Variants in STAG3 observed in about 807,000 individuals in gnomAD.
STAG3 encodes cohesin subunit SA-3.
Under a neutral mutation model 160.7 loss-of-function variants are expected in STAG3, and 101 were observed. The ratio of observed to expected loss-of-function variants is 0.63; its 90% CI spans 0.54 to 0.74. STAG3 has a LOEUF of 0.74. STAG3 is among the 30% of genes least tolerant of loss of function. The pLI, the probability that STAG3 is intolerant of heterozygous loss-of-function variation, is 0.00. For missense variants in STAG3, 1,188 were observed against 1,517.4 expected, an observed-to-expected ratio of 0.78 and a Z score of 3.61; for synonymous variants, 519 against 585.0, an observed-to-expected ratio of 0.89 and a Z score of 1.63.
chr7:100,198,178 G>A lies in STAG3; in HGVS notation c.1244+12G>A, dbSNP rs1183336446. ...ATACTTATCCTTAAGTGAGTCCTGG[G>A]AAGAGGGGAGGCCAGTGTCTCAGAC... On this transcript the variant is annotated intron_variant, in intron 12 of 33. Coordinates refer to ENST00000615138, the MANE Select transcript of STAG3 (RefSeq NM_001282717.2). The A allele has an allele frequency of 6.2e-7, 1 of 1,612,886 alleles. No individual in the cohort carries two copies. Among genetic ancestry groups the A allele is most frequent in the Admixed American group, 1.7e-5 (1 of 60,014 alleles).
At chr7:100,217,693 A>C (rs1802883950), downstream of STAG3, among the ~76,000 whole-genome samples, 1 of 152,160 alleles carries the variant, frequency 6.6e-6, no homozygotes, top group Non-Finnish European at 1.5e-5. Context: ...ATAAGGTCAC[A>C]TGAGTCACGT....
intron 10 of STAG3, 58 bp from the exon 11 acceptor site, chr7:100,197,720 G>A: frequency 1.4e-6 from 2 of 1,391,312 alleles, no homozygotes; most frequent in South Asian, 2.3e-5. Flanking sequence ...GGCTTAGTAG[G>A]GGCGAGTAGA....
intron 21 of STAG3, 34 bp from the exon 22 acceptor site, chr7:100,201,752 C>G: frequency 6.2e-7 from 1 of 1,604,018 alleles, no homozygotes; most frequent in East Asian, 2.2e-5. Flanking sequence ...TCTCCTAACC[C>G]AAACCTCATT....
chr7:100,210,424 A>G (rs1338653638), intron 29 of STAG3, among the ~76,000 whole-genome samples: 1 of 152,196 alleles, frequency 6.6e-6, no homozygotes, highest in Admixed American at 6.5e-5. Context: ...ACCTTCTCCA[A>G]TCTCTGCAGG....
chr7:100,217,068 C>G (rs577394061), downstream of STAG3, among the ~76,000 whole-genome samples: 67 of 152,330 alleles, frequency 4.4e-4, no homozygotes, highest in African/African-American at 1.6e-3. Flanking sequence ...CCTCTCTTCC[C>G]TCACAATACT....
chr7:100,216,660 G>A (rs754448676), downstream of STAG3, among the ~76,000 whole-genome samples: 20 of 151,984 alleles, frequency 1.3e-4, no homozygotes, highest in Non-Finnish European at 2.9e-4. Flanking sequence ...AATTAGCTGG[G>A]TGTGGTGGCA....
chr7:100,186,042 A>G (rs1482542344), intron 4 of STAG3, among the ~76,000 whole-genome samples, 158 bp from the exon 5 acceptor site: 1 of 152,246 alleles, frequency 6.6e-6, no homozygotes, highest in Non-Finnish European at 1.5e-5. Context: ...TTTTTGGCCT[A>G]TATGAAATTT....
At chr7:100,200,704 T>C (rs1260760817) in intron 18 of STAG3, 65 bp from the exon 19 acceptor site, 2 of 1,584,748 alleles carry the variant, frequency 1.3e-6, no homozygotes, top group Admixed American at 1.7e-5. Flanking sequence ...CCCGTTCCAC[T>C]TCCCGCCAGA....
intron 14 of STAG3, 136 bp from the exon 15 acceptor site, chr7:100,199,126 T>G (rs955392948): frequency 4.4e-5 from 37 of 847,774 alleles, no homozygotes; most frequent in African/African-American, 3.5e-4. Flanking sequence ...CCTGTCTCTA[T>G]CGAAAAAAAA....
intron 8 of STAG3, 136 bp from the exon 9 acceptor site, chr7:100,195,173 G>A: frequency 1.3e-6 from 1 of 760,016 alleles, no homozygotes; most frequent in South Asian, 1.5e-5. Context: ...GTTTAAAAGA[G>A]AGCATAGGAT....
intron 29 of STAG3, among the ~76,000 whole-genome samples, chr7:100,210,412 C>T (rs907481923): frequency 6.6e-6 from 1 of 152,222 alleles, no homozygotes; most frequent in Non-Finnish European, 1.5e-5. Context: ...TTCTCCTCCT[C>T]TACCTTCTCC....
intron 32 of STAG3, chr7:100,213,442 G>C (rs1584798440): frequency 1.0e-6 from 1 of 985,348 alleles, no homozygotes; most frequent in African/African-American, 1.7e-5. Flanking sequence ...CTTCAAACCA[G>C]AGACTAGAGA....
At chr7:100,195,094 T>A (rs1474155767) in intron 8 of STAG3, among the ~76,000 whole-genome samples, 1 of 151,934 alleles carries the variant, frequency 6.6e-6, no homozygotes, top group African/African-American at 2.4e-5. Flanking sequence ...TGCAGAGGGG[T>A]TATTATTTTT....
At chr7:100,184,568 CAT>C (rs1799873187) in intron 4 of STAG3, among the ~76,000 whole-genome samples, 2 of 133,510 alleles carry the variant, frequency 1.5e-5, no homozygotes, top group African/African-American at 5.5e-5. Flanking sequence ...CCCGGGTTCA[CAT>C]GATTCTCCTG....
intron 29 of STAG3, among the ~76,000 whole-genome samples, chr7:100,206,759 C>G (rs545463801): frequency 6.6e-6 from 1 of 152,158 alleles, no homozygotes; most frequent in Non-Finnish European, 1.5e-5. Context: ...GGTGAGCCCC[C>G]GTGCCCAGCC....
intron 21 of STAG3, 96 bp downstream of exon 21, chr7:100,201,447 G>T: frequency 9.2e-7 from 1 of 1,082,824 alleles, no homozygotes; most frequent in African/African-American, 1.5e-5. Flanking sequence ...GTCTCAGTGC[G>T]TGGAGTGGAC....
chr7:100,202,809 G>C (rs1314252565), intron 25 of STAG3, among the ~76,000 whole-genome samples: 1 of 152,156 alleles, frequency 6.6e-6, no homozygotes, highest in Admixed American at 6.5e-5. Context: ...ATTCACTGGA[G>C]GGGAAATAGC....
chr7:100,202,731 GT>G, intron 25 of STAG3, 141 bp downstream of exon 25: 1 of 1,085,692 alleles, frequency 9.2e-7, no homozygotes, highest in Non-Finnish European at 1.3e-6. Context: ...GGCACTGGGA[GT>G]TCAGAATAAG....
chr7:100,187,114 C>T (rs911973752), intron 5 of STAG3, among the ~76,000 whole-genome samples: 4 of 152,048 alleles, frequency 2.6e-5, no homozygotes, highest in African/African-American at 7.3e-5. Context: ...TCACTGCAAC[C>T]TCTACATCCT....
Sources: gnomAD v4.1 joint callset for allele counts (sites outside exome capture counted in the v4.1 genomes callset) on GRCh38, gnomAD v4.1.1 for gene constraint, MANE v1.5 for transcripts, NCBI Gene and HGNC (gene_info 2026-07-23, HGNC 2026-07-21) for gene names.